VASN: variants seen among roughly 807,000 people sequenced by gnomAD.
VASN encodes protein slit-like 2.
VASN carries 5 observed loss-of-function variants against 4.8 expected under a neutral mutation model. The ratio of observed to expected loss-of-function variants is 1.03; its 90% CI spans 0.54 to 2.17. VASN has a LOEUF of 2.17. Among genes scored for constraint, VASN ranks in the 30% most tolerant of loss-of-function variants. The pLI, the probability that VASN is intolerant of heterozygous loss-of-function variation, is 0.01. For synonymous variants in VASN, 499 were observed against 460.8 expected, an observed-to-expected ratio of 1.08 and a Z score of -1.06; for missense variants, 927 against 948.8, an observed-to-expected ratio of 0.98 and a Z score of 0.30.
At position 4,380,955 on chromosome 16, in the gene VASN, C is replaced by T. The variant is rs548108879; in HGVS notation, c.78C>T (p.Ser26=). 4.5e-5 allele frequency: 72 copies of T among 1,600,634 alleles called. No individual in the cohort carries two copies. The African/African-American group carries it at 4.9e-4, about 11-fold the overall frequency. ...ALGPGVQGCP[S]GCQCSQPQTV... ...GGCCTGGGGTGCAGGGCTGCCCATC[C>T]GGCTGCCAGTGCAGCCAGCCACAGA... Residue 26 remains serine (S), a synonymous_variant, in exon 2 of 2, where the codon TCC becomes TCT. Transcript: ENST00000304735.
At chr16:4,379,557 C>A (rs560668359) in intron 1 of VASN, among the ~76,000 whole-genome samples, 1 of 152,292 alleles carries the variant, frequency 6.6e-6, no homozygotes, top group Non-Finnish European at 1.5e-5. Flanking sequence ...AGTCCCTGCA[C>A]CTCCATGAGC....
At position 4,381,949 on chromosome 16, in the gene VASN, G is replaced by T; in HGVS notation, c.1072G>T (p.Val358Leu). 1 of 1,608,560 alleles carries T rather than the reference G, an allele frequency of 6.2e-7. No individual in the cohort carries two copies. Residue 358 changes from valine to leucine, a missense_variant, in exon 2 of 2, where the codon GTG (valine) becomes TTG (leucine). Coordinates refer to ENST00000304735, the MANE Select transcript of VASN (RefSeq NM_138440.3). ...CCCAGCCACCACCACCACAGCCACA[G>T]TGCCCACCACGAGGCCCGTGGTGCG... ...GCPATTTTAT[V>L]PTTRPVVREP...
In VASN at chr16:4,381,036, C is replaced by CA; in HGVS notation, c.160dup (p.Thr54AsnfsTer8). ...CGGTGCCCCGAGACGTGCCACCCGACACGGTGGGGCTGTACGTCTTTGAGA... is the reference window on the plus strand; with the variant it reads ...CGGTGCCCCGAGACGTGCCACCCGACAACGGTGGGGCTGTACGTCTTTGAGA... On this transcript the variant is annotated frameshift_variant, in exon 2 of 2. Transcript: ENST00000304735. LOFTEE classifies it low-confidence loss of function (END_TRUNC). The CA allele has an allele frequency of 6.2e-7, 1 of 1,610,578 alleles. No individual in the cohort carries two copies. The highest frequency in any genetic ancestry group is 2.2e-5 in the East Asian group (1 of 44,776).
In VASN at chr16:4,381,142, G is replaced by A. The variant is rs960773115; in HGVS notation, c.265G>A (p.Ala89Thr). 21 of 1,610,066 alleles carry A rather than the reference G, an allele frequency of 1.3e-5. No homozygotes were observed. The highest frequency in any genetic ancestry group is 1.1e-4 in the East Asian group (5 of 44,700). The part of the protein sequence containing the change: ...QLLDLSQNQI[A>T]SLPSGVFQPL... ...CCTGGACCTGTCACAGAACCAGATC[G>A]CCAGCCTGCCCAGCGGGGTCTTCCA... is the stretch of plus-strand genomic sequence containing the variant. The change falls in exon 2 of 2, where the codon GCC (alanine) becomes ACC (threonine). Residue 89 changes from alanine (A) to threonine (T), a missense_variant. Physicochemically the swap from Ala to Thr is moderately conservative, Grantham distance 58. Coordinates refer to ENST00000304735, the MANE Select transcript of VASN (RefSeq NM_138440.3).
rs1375981630 is a variant in VASN, at chr16:4,381,410, A to G, written c.533A>G (p.His178Arg). The change falls in exon 2 of 2, where the codon CAC becomes CGC. Residue 178 changes from histidine (H) to arginine (R), a missense_variant. Physicochemically the swap from His to Arg is conservative, Grantham distance 29. Transcript: ENST00000304735. ...CGCCTGCTGCTGCTGGACCTCAGCC[A>G]CAACAGCCTCCTGGCCCTGGAGCCC... ...LPRLLLLDLS[H>R]NSLLALEPGI... The G allele has an allele frequency of 6.3e-7, 1 of 1,586,058 alleles. No homozygotes were observed.
Position 4,381,950 on chromosome 16 carries a change from T to C in VASN, c.1073T>C (p.Val358Ala), listed in dbSNP as rs556688185. ...CCAGCCACCACCACCACAGCCACAGTGCCCACCACGAGGCCCGTGGTGCGG... is the reference window on the plus strand; with the variant it reads ...CCAGCCACCACCACCACAGCCACAGCGCCCACCACGAGGCCCGTGGTGCGG... The part of the protein sequence containing the change: ...GCPATTTTAT[V>A]PTTRPVVREP... The change falls in exon 2 of 2, where the codon GTG becomes GCG. Residue 358 changes from valine to alanine, a missense_variant. By Grantham distance (64) the Val-to-Ala change is moderately conservative. Transcript: ENST00000304735. The C allele has an allele frequency of 9.7e-5, 156 of 1,608,552 alleles. No individual in the cohort carries two copies. In the South Asian group the frequency reaches 1.5e-3, roughly 16 times the overall value.
At chr16:4,379,535 G>A (rs967231520) in intron 1 of VASN, among the ~76,000 whole-genome samples, 7 of 152,122 alleles carry the variant, frequency 4.6e-5, no homozygotes, top group East Asian at 1.9e-4. Flanking sequence ...TGCTGGCACC[G>A]CAATGGCAGC....
At chr16:4,372,487 C>T (rs1382138920) in intron 1 of VASN, among the ~76,000 whole-genome samples, 3 of 152,138 alleles carry the variant, frequency 2.0e-5, no homozygotes, top group Non-Finnish European at 4.4e-5. Context: ...TAGGGAGGGG[C>T]GGGGAGTGGC....
rs531244775 is a variant in VASN, at chr16:4,379,717, T to C, written c.-9-1152T>C. On this transcript the variant is annotated intron_variant, in intron 1 of 1. Transcript: ENST00000304735. ...CAAGGGGATGGCTGCTGCTCATCTT[T>C]CTTGGTGCCCAGCTCAGGGCAGACC... 2.0e-5 allele frequency among the ~76,000 whole-genome samples: 3 copies of C among 152,068 alleles called. No homozygotes were observed. The East Asian group carries it at 5.8e-4, about 30-fold the overall frequency.
rs1466751951 is a variant in VASN at position 4,382,549 on chromosome 16, G to A, written c.1672G>A (p.Ala558Thr). The change falls in exon 2 of 2, where the codon GCC becomes ACC. Residue 558 changes from alanine (A) to threonine (T), a missense_variant. Coordinates refer to ENST00000304735, the MANE Select transcript of VASN (RefSeq NM_138440.3). ...EACGEAHTPP[A>T]VHSNHAPVTQ... ...CTGCGGGGAGGCCCATACACCCCCA[G>A]CCGTCCACTCCAACCACGCCCCAGT... The A allele has an allele frequency of 6.3e-7, 1 of 1,593,488 alleles. No homozygotes were observed. Among genetic ancestry groups the A allele is most frequent in the Admixed American group, 1.7e-5 (1 of 58,174 alleles).
intron 1 of VASN, among the ~76,000 whole-genome samples, chr16:4,377,564 A>G (rs981102860): frequency 6.6e-6 from 1 of 152,188 alleles, no homozygotes; most frequent in Non-Finnish European, 1.5e-5. Flanking sequence ...TCCAGAGGTG[A>G]GAAACTGAGG....
intron 1 of VASN, among the ~76,000 whole-genome samples, chr16:4,377,704 C>G (rs1014305373): frequency 4.6e-5 from 7 of 152,198 alleles, no homozygotes; most frequent in Non-Finnish European, 1.0e-4. Context: ...TGGCGGTGCC[C>G]TCAGAGCTGC....
intron 1 of VASN, among the ~76,000 whole-genome samples, chr16:4,376,247 C>T (rs987807868): frequency 6.6e-6 from 1 of 152,210 alleles, no homozygotes; most frequent in Admixed American, 6.5e-5. Flanking sequence ...CAGCCGGGCC[C>T]TGAGCCTCCT....
At chr16:4,376,365 GGCCACACA>G (rs2054731449) in intron 1 of VASN, among the ~76,000 whole-genome samples, 1 of 152,192 alleles carries the variant, frequency 6.6e-6, no homozygotes, top group African/African-American at 2.4e-5. Context: ...AGGCCTGACC[GGCCACACA>G]GAGCCTTGGC....
chr16:4,382,891 T>G lies in VASN; in HGVS notation c.2014T>G (p.Tyr672Asp). The change falls in exon 2 of 2, where the codon TAC becomes GAC. Residue 672 changes from tyrosine to aspartate, a missense_variant. Tyr to Asp is a radical substitution (Grantham distance 160). Transcript: ENST00000304735. Reference protein sequence around the residue: ...GLQSPLHAKPYI With the variant: ...GLQSPLHAKPDI The stretch of plus-strand genomic sequence containing the variant: ...CCAGTCACCCCTCCACGCAAAGCCC[T>G]ACATCTAAGCCAGAGAGAGACAGGG... 6.5e-7 allele frequency: 1 copy of G among 1,527,186 alleles called. No individual in the cohort carries two copies. Among genetic ancestry groups the G allele is most frequent in the Non-Finnish European group, 8.8e-7 (1 of 1,138,118 alleles). 94.6% of individuals were successfully genotyped at this position (1,527,186 alleles called of 1,614,324 possible). A position where few individuals can be genotyped will look rare whatever the true frequency, so the allele number is the denominator to read the frequency against.
At position 4,381,443 on chromosome 16, in the gene VASN, T is replaced by G. The variant is rs767673782; in HGVS notation, c.566T>G (p.Leu189Arg). The change falls in exon 2 of 2, where the codon CTG becomes CGG. Residue 189 changes from leucine (L) to arginine (R), a missense_variant. Leu to Arg is a moderately radical substitution (Grantham distance 102). Transcript: ENST00000304735. ...CTCCTGGCCCTGGAGCCCGGCATCC[T>G]GGACACTGCCAACGTGGAGGCGCTG... ...NSLLALEPGILDTANVEALRL... is the reference protein window; with the variant it reads ...NSLLALEPGIRDTANVEALRL... 1.3e-6 allele frequency: 2 copies of G among 1,580,756 alleles called. No individual in the cohort carries two copies. The highest frequency in any genetic ancestry group is 1.7e-6 in the Non-Finnish European group (2 of 1,165,134).
In VASN at chr16:4,383,131, C is replaced by T. The variant is rs1334920066; in HGVS notation, c.*232C>T. The T allele has an allele frequency of 1.1e-5, 6 of 528,548 alleles. No homozygotes were observed. The highest frequency in any genetic ancestry group is 5.1e-4 in the Middle Eastern group (1 of 1,970). The allele number at this position is 528,548 out of a possible 1,614,324, so 32.7% of individuals were successfully genotyped here. A position where few individuals can be genotyped will look rare whatever the true frequency, so the allele number is the denominator to read the frequency against. ...CCCCAGAACCGAGTGCCTATGAGGA[C>T]AGTGTCCGCCCTGCCCTCCGCAACG... On this transcript the variant is annotated 3_prime_UTR_variant, in exon 2 of 2. Transcript: ENST00000304735.
At chr16:4,380,286 C>T (rs1416057652) in intron 1 of VASN, among the ~76,000 whole-genome samples, 4 of 152,184 alleles carry the variant, frequency 2.6e-5, no homozygotes, top group Admixed American at 1.3e-4. Context: ...CACTTCCTGG[C>T]GGCCCGCAGC....
chr16:4,381,078 C>A lies in VASN; in HGVS notation c.201C>A (p.Leu67=). The change falls in exon 2 of 2, where the codon CTC becomes CTA. Residue 67 remains leucine, a synonymous_variant. Transcript: ENST00000304735. ...LYVFENGITM[L]DAGSFAGLPG... The stretch of plus-strand genomic sequence containing the variant: ...TCTTTGAGAACGGCATCACCATGCT[C>A]GACGCAGGCAGCTTTGCCGGCCTGC... 1 of 1,609,418 alleles carries A rather than the reference C, an allele frequency of 6.2e-7. No homozygotes were observed. The highest frequency in any genetic ancestry group is 8.5e-7 in the Non-Finnish European group (1 of 1,178,590).
Sources: gnomAD v4.1 joint callset for allele counts (sites outside exome capture counted in the v4.1 genomes callset) on GRCh38, gnomAD v4.1.1 for gene constraint, MANE v1.5 for transcripts, NCBI Gene and HGNC (gene_info 2026-07-23, HGNC 2026-07-21) for gene names.